The following MOB1A variants were observed in gnomAD, a reference collection of about 807,000 sequenced individuals.
MOB1A encodes the protein MOB1 Mps One Binder homolog A.
In MOB1A, 10 loss-of-function variants were observed where a neutral mutation model predicts 25.1. The observed-to-expected ratio is 0.40, with a 90% confidence interval of 0.25 to 0.68. The LOEUF (loss-of-function observed/expected upper bound fraction) is 0.68. Among genes scored for constraint, MOB1A ranks in the 30% least tolerant of loss-of-function variants. The pLI is 0.40. For missense variants in MOB1A, 177 were observed against 256.3 expected (o/e 0.69, Z 2.11); for synonymous variants, 81 against 79.5 (o/e 1.02, Z -0.10).
rs1178462391 is a variant in MOB1A, at chr2:74,156,042, A to C, written c.*526T>G. 6.5e-6 allele frequency: 1 copy of C among 152,762 alleles called. No homozygotes were observed. The highest frequency in any genetic ancestry group is 1.5e-5 in the Non-Finnish European group (1 of 68,106). 9.5% of individuals were successfully genotyped at this position (152,762 alleles called of 1,614,324 possible). A position where few individuals can be genotyped will look rare whatever the true frequency, so the allele number is the denominator to read the frequency against. ...ACACTACCATACAAACTTGAAACTA[A>C]AATGTTATCTGAAGTGACACAGATG... is the stretch of plus-strand genomic sequence containing the variant. On this transcript the variant is annotated 3_prime_UTR_variant, in exon 6 of 6. Transcript: ENST00000396049.
At chr2:74,173,284 C>G (rs1489865852) in intron 1 of MOB1A, 1 of 485,736 alleles carries the variant, frequency 2.1e-6, no homozygotes, top group Admixed American at 2.2e-5. Flanking sequence ...CTGAAGAAGT[C>G]TGGTACAGAG....
chr2:74,161,816 G>A (rs116026528), intron 4 of MOB1A, among the ~76,000 whole-genome samples: 2,670 of 152,126 alleles, frequency 0.018, 89 homozygotes, highest in African/African-American at 0.061. Flanking sequence ...TTAGCTGGGC[G>A]TGGTGGCACA....
At chr2:74,166,733 G>C (rs961292746) in intron 3 of MOB1A, among the ~76,000 whole-genome samples, 1 of 152,206 alleles carries the variant, frequency 6.6e-6, no homozygotes, top group Non-Finnish European at 1.5e-5. Flanking sequence ...CCACTCGGGA[G>C]GCTGAGGCAT....
chr2:74,165,000 G>T, intron 4 of MOB1A: 1 of 281,234 alleles, frequency 3.6e-6, no homozygotes, highest in Non-Finnish European at 6.5e-6. Flanking sequence ...GTATAACAAT[G>T]TTAAAAAGAG....
intron 5 of MOB1A, among the ~76,000 whole-genome samples, chr2:74,157,877 T>A (rs1692846795): frequency 6.6e-6 from 1 of 151,976 alleles, no homozygotes; most frequent in Non-Finnish European, 1.5e-5. Flanking sequence ...ATATTTAAAT[T>A]TACATTAAAA....
At chr2:74,164,131 CAG>C (rs534614951) in intron 4 of MOB1A, 225 of 152,180 alleles carry the variant, frequency 1.5e-3, no homozygotes, top group African/African-American at 5.2e-3. Context: ...ATAAGATAAT[CAG>C]GGGAGAAAAG....
rs35382378 is a variant in MOB1A at position 74,173,376 on chromosome 2, GTTTTT to G, written c.15-629_15-625del. ...GAACCTTCTTTTGGCCTCAATTTCG[GTTTTT>G]TTTTTTTTTTTTTTTTTGAGATGTA... On this transcript the variant is annotated intron_variant, in intron 1 of 5. Transcript: ENST00000396049. 9.0e-3 allele frequency among the ~76,000 whole-genome samples: 836 copies of G among 93,312 alleles called. 10 individuals are homozygous for G. Among genetic ancestry groups the G allele is most frequent in the African/African-American group, 0.03 (726 of 24,550 alleles). The allele number at this position is 93,312 out of a possible 152,430, so 61.2% of individuals were successfully genotyped here. A position where few individuals can be genotyped will look rare whatever the true frequency, so the allele number is the denominator to read the frequency against.
At chr2:74,159,791 C>T (rs560298991) in intron 4 of MOB1A, among the ~76,000 whole-genome samples, 38 of 151,662 alleles carry the variant, frequency 2.5e-4, no homozygotes, top group Middle Eastern at 3.4e-3. Context: ...GTTCAAAAAT[C>T]CTGTAGTTTT....
intron 1 of MOB1A, among the ~76,000 whole-genome samples, chr2:74,174,776 C>A (rs542235325): frequency 4.6e-5 from 7 of 152,194 alleles, no homozygotes; most frequent in South Asian, 4.1e-4. Context: ...AAAGGATGAA[C>A]TGGATAATAG....
intron 1 of MOB1A, among the ~76,000 whole-genome samples, chr2:74,177,134 G>C (rs1478346503): frequency 6.6e-6 from 1 of 152,022 alleles, no homozygotes; most frequent in African/African-American, 2.4e-5. Context: ...CCAACATGAT[G>C]AAACCCAGTC....
chr2:74,157,338 A>G (rs1227905936), intron 5 of MOB1A, among the ~76,000 whole-genome samples: 1 of 151,986 alleles, frequency 6.6e-6, no homozygotes, highest in Non-Finnish European at 1.5e-5. Context: ...AGAGCATGGA[A>G]GCCCCTTCTC....
chr2:74,160,248 G>A (rs555825202), intron 4 of MOB1A, among the ~76,000 whole-genome samples: 73 of 152,160 alleles, frequency 4.8e-4, no homozygotes, highest in Non-Finnish European at 7.5e-4. Flanking sequence ...TTGAGAGGCC[G>A]TAGTGGACAG....
chr2:74,169,783 C>T (rs1171654024), intron 2 of MOB1A, among the ~76,000 whole-genome samples: 1 of 151,906 alleles, frequency 6.6e-6, no homozygotes, highest in Non-Finnish European at 1.5e-5. Flanking sequence ...TGTGTGCCAC[C>T]ACACCCAGCA....
rs892372663 is a variant in MOB1A, at chr2:74,166,685, A to C, written c.275+329T>G. Among the ~76,000 whole-genome samples, 13 of 152,104 alleles carry C rather than the reference A, an allele frequency of 8.5e-5. 1 individual carries two copies. Among genetic ancestry groups the C allele is most frequent in the African/African-American group, 3.1e-4 (13 of 41,408 alleles). ...ACCCCATTTCTACTAAAAATGCACA[A>C]ATTAGCTGGGAGTGGTGGCACAGGC... On this transcript the variant is annotated intron_variant, in intron 3 of 5. Transcript: ENST00000396049.
chr2:74,178,646 C>A lies in MOB1A; in HGVS notation c.14+15G>T. On this transcript the variant is annotated intron_variant, in intron 1 of 5. Coordinates refer to ENST00000396049, the MANE Select transcript of MOB1A (RefSeq NM_018221.5). ...CGGCCCGCAGGCCCGGCGCCCGCGG[C>A]CCGACCCCACTCACAAGAGGAAGCT... 2.2e-6 allele frequency: 3 copies of A among 1,382,648 alleles called. No homozygotes were observed. The highest frequency in any genetic ancestry group is 2.1e-4 in the Middle Eastern group (1 of 4,712). The allele number at this position is 1,382,648 out of a possible 1,614,324, so 85.6% of individuals were successfully genotyped here.
chr2:74,163,639 A>G lies in MOB1A; in HGVS notation c.409+1579T>C, dbSNP rs111412814. On this transcript the variant is annotated intron_variant, in intron 4 of 5. Coordinates refer to ENST00000396049, the MANE Select transcript of MOB1A (RefSeq NM_018221.5). The stretch of plus-strand genomic sequence containing the variant: ...GGGAACAGAGTGAGACCCTGTCTCA[A>G]AAAAAATTAAAAATAAATTACAATA... 2.6e-3 allele frequency among the ~76,000 whole-genome samples: 393 copies of G among 152,256 alleles called. 1 individual carries two copies. The highest frequency in any genetic ancestry group is 9.0e-3 in the African/African-American group (376 of 41,566).
chr2:74,159,517 G>A (rs915032616), intron 4 of MOB1A, among the ~76,000 whole-genome samples: 88 of 151,986 alleles, frequency 5.8e-4, no homozygotes, highest in African/African-American at 2.1e-3. Context: ...GAACTCCTGA[G>A]CTCAAGCAAT....
intron 1 of MOB1A, 62 bp downstream of exon 1, chr2:74,178,599 G>T: frequency 7.8e-7 from 1 of 1,281,534 alleles, no homozygotes; most frequent in Non-Finnish European, 1.0e-6. Flanking sequence ...CCTCAGGTCC[G>T]GGGAGGCCTC....
chr2:74,168,081 G>C (rs185132947), intron 2 of MOB1A, among the ~76,000 whole-genome samples: 1 of 152,220 alleles, frequency 6.6e-6, no homozygotes, highest in African/African-American at 2.4e-5. Flanking sequence ...TGAGGTTGCC[G>C]TGAGCTGTGA....
Sources: allele counts gnomAD v4.1 joint callset (sites outside exome capture counted in the v4.1 genomes callset), GRCh38; gene constraint gnomAD v4.1.1; transcripts MANE v1.5; gene names NCBI Gene and HGNC (gene_info 2026-07-23, HGNC 2026-07-21).